The following SMURF1 variants were observed in gnomAD, a reference collection of about 807,000 sequenced individuals.
SMURF1 encodes E3 ubiquitin-protein ligase SMURF1.
SMURF1 carries 44 observed loss-of-function variants against 98.0 expected under a neutral mutation model. That is an observed-to-expected ratio of 0.45 (90% CI 0.35 to 0.58). The LOEUF (loss-of-function observed/expected upper bound fraction) is 0.58, where lower values mean the gene tolerates loss of function less well. Ranked by LOEUF, SMURF1 falls within the 20% of genes least tolerant of loss-of-function variation. The pLI, the probability that SMURF1 is intolerant of heterozygous loss-of-function variation, is 0.00. For synonymous variants in SMURF1, 396 were observed against 374.9 expected, an observed-to-expected ratio of 1.06 and a Z score of -0.65; for missense variants, 687 against 938.4, an observed-to-expected ratio of 0.73 and a Z score of 3.50.
intron 1 of SMURF1, among the ~76,000 whole-genome samples, chr7:99,093,522 A>C (rs76639746): frequency 0.25 from 38,566 of 151,962 alleles, 5,970 homozygotes; most frequent in South Asian, 0.37. Flanking sequence ...CTCTATAATG[A>C]CATTACATTA....
At chr7:99,134,821 C>T (rs948173729) in intron 1 of SMURF1, among the ~76,000 whole-genome samples, 1 of 152,050 alleles carries the variant, frequency 6.6e-6, no homozygotes, top group African/African-American at 2.4e-5. Context: ...GAACCAAGAC[C>T]TCAGTTTTTT....
chr7:99,052,437 A>G lies in SMURF1; in HGVS notation c.489T>C (p.Tyr163=). 1 of 1,559,508 alleles carries G rather than the reference A, an allele frequency of 6.4e-7. No individual in the cohort carries two copies. Among genetic ancestry groups the G allele is most frequent in the Non-Finnish European group, 8.7e-7 (1 of 1,150,886 alleles). ...GCGGCCTCCCAGGCCCGGAGTCTTC[A>G]TACACCGTTCTGAAAGGGACGAGAG... The part of the protein sequence containing the change: ...RGLLENEGTV[Y]EDSGPGRPLS... Residue 163 remains tyrosine, a synonymous_variant, in exon 7 of 18, where the codon TAT becomes TAC. Transcript: ENST00000361368.
intron 1 of SMURF1, among the ~76,000 whole-genome samples, chr7:99,070,738 C>G (rs1584475924): frequency 6.6e-6 from 1 of 151,862 alleles, no homozygotes; most frequent in Non-Finnish European, 1.5e-5. Flanking sequence ...ATTCCTAGCA[C>G]GGAAGCACAG....
chr7:99,090,650 G>C (rs1289853035), intron 1 of SMURF1, among the ~76,000 whole-genome samples: 1 of 152,142 alleles, frequency 6.6e-6, no homozygotes, highest in Non-Finnish European at 1.5e-5. Context: ...ATCTGTAATA[G>C]AAGAAAAATG....
At chr7:99,086,865 T>A (rs1210954384) in intron 1 of SMURF1, among the ~76,000 whole-genome samples, 1 of 152,146 alleles carries the variant, frequency 6.6e-6, no homozygotes, top group Non-Finnish European at 1.5e-5. Context: ...AATAGACAAA[T>A]CTATATATAA....
chr7:99,038,158 A>G (rs1795225205), intron 14 of SMURF1, among the ~76,000 whole-genome samples: 1 of 152,198 alleles, frequency 6.6e-6, no homozygotes, highest in African/African-American at 2.4e-5. Context: ...CCTTCCCCAC[A>G]TGGGCTCTGT....
intron 15 of SMURF1, 183 bp from the exon 16 acceptor site, chr7:99,035,899 G>A (rs544167999): frequency 4.1e-5 from 26 of 628,890 alleles, no homozygotes; most frequent in South Asian, 1.2e-4. Flanking sequence ...ACATGCTTCC[G>A]TCCGCCTCCT....
At chr7:99,133,671 A>C (rs1206446584) in intron 1 of SMURF1, among the ~76,000 whole-genome samples, 2 of 152,234 alleles carry the variant, frequency 1.3e-5, no homozygotes, top group African/African-American at 2.4e-5. Flanking sequence ...TACACCCAAC[A>C]GAAGTGTATG....
At chr7:99,076,739 G>A (rs7791007) in intron 1 of SMURF1, among the ~76,000 whole-genome samples, 4,658 of 152,312 alleles carry the variant, frequency 0.031, 106 homozygotes, top group South Asian at 0.057. Flanking sequence ...CTGCAGTCAT[G>A]TTAGATGCTG....
At chr7:99,041,559 A>G (rs1795381646) in intron 12 of SMURF1, among the ~76,000 whole-genome samples, 1 of 152,222 alleles carries the variant, frequency 6.6e-6, no homozygotes, top group Admixed American at 6.5e-5. Context: ...TTGAATGCAC[A>G]AGCGGAGCCT....
chr7:99,143,806 G>A lies in SMURF1; in HGVS notation c.-26C>T. 3 of 1,542,278 alleles carry A rather than the reference G, an allele frequency of 1.9e-6. No individual in the cohort carries two copies. The highest frequency in any genetic ancestry group is 1.2e-5 in the South Asian group (1 of 84,018). Reference sequence around the variant, plus strand: ...CTCCCGCCAACGATCGGGCAGCCGCGGATCCAGCGCCACCGCCCCCCAGCC... The same window carrying A: ...CTCCCGCCAACGATCGGGCAGCCGCAGATCCAGCGCCACCGCCCCCCAGCC... On this transcript the variant is annotated 5_prime_UTR_variant, in exon 1 of 18. Coordinates refer to ENST00000361368, the MANE Select transcript of SMURF1 (RefSeq NM_181349.3).
rs974170671 is a variant in SMURF1 at position 99,143,689 on chromosome 7, G to T, written c.55+37C>A. ...CGGGGAATTCCGGGGCGGGCGAGGG[G>T]GCGCCGGGGCGCGGGTGGGCCTCCC... On this transcript the variant is annotated intron_variant, in intron 1 of 17. Coordinates refer to ENST00000361368, the MANE Select transcript of SMURF1 (RefSeq NM_181349.3). 10 of 1,529,644 alleles carry T rather than the reference G, an allele frequency of 6.5e-6. No individual in the cohort carries two copies. In the African/African-American group the frequency reaches 1.4e-4, roughly 22 times the overall value. 94.8% of individuals were successfully genotyped at this position (1,529,644 alleles called of 1,614,324 possible).
chr7:99,030,785 G>T, intron 17 of SMURF1, 102 bp from the exon 18 acceptor site: 3 of 737,432 alleles, frequency 4.1e-6, no homozygotes, highest in Non-Finnish European at 4.5e-6. Flanking sequence ...GAGGGGAGAG[G>T]AATGGGGGGT....
chr7:99,056,066 T>C (rs1054388073), intron 5 of SMURF1, among the ~76,000 whole-genome samples: 1 of 152,254 alleles, frequency 6.6e-6, no homozygotes, highest in African/African-American at 2.4e-5. Flanking sequence ...ACAAGACTTT[T>C]ATAAAGTTGT....
At position 99,030,458 on chromosome 7, in the gene SMURF1, G is replaced by T; in HGVS notation, c.*126C>A. 1 of 794,950 alleles carries T rather than the reference G, an allele frequency of 1.3e-6. No homozygotes were observed. Among genetic ancestry groups the T allele is most frequent in the Non-Finnish European group, 2.1e-6 (1 of 479,974 alleles). 49.2% of individuals were successfully genotyped at this position (794,950 alleles called of 1,614,324 possible). On this transcript the variant is annotated 3_prime_UTR_variant, in exon 18 of 18. Coordinates refer to ENST00000361368, the MANE Select transcript of SMURF1 (RefSeq NM_181349.3). ...CCCCTCCCCCAACAGAAAGGAGAGA[G>T]ACAACCCTTTCCCCTCAGGTGATCT...
At chr7:99,084,428 G>T (rs1437056303) in intron 1 of SMURF1, among the ~76,000 whole-genome samples, 1 of 152,054 alleles carries the variant, frequency 6.6e-6, no homozygotes, top group Non-Finnish European at 1.5e-5. Context: ...CAAGTTCTTG[G>T]ATAAAAAGAT....
At chr7:99,097,159 G>A (rs1049641883) in intron 1 of SMURF1, among the ~76,000 whole-genome samples, 5 of 151,810 alleles carry the variant, frequency 3.3e-5, no homozygotes, top group African/African-American at 7.3e-5. Context: ...TATTAGAAAA[G>A]AAAAAAGTTG....
chr7:99,063,656 C>T (rs1796120561), intron 1 of SMURF1, among the ~76,000 whole-genome samples: 1 of 151,898 alleles, frequency 6.6e-6, no homozygotes, highest in Non-Finnish European at 1.5e-5. Context: ...TTTTAGTATA[C>T]TCATGGGTGG....
intron 1 of SMURF1, among the ~76,000 whole-genome samples, chr7:99,142,075 C>T (rs1341497438): frequency 6.6e-6 from 1 of 152,192 alleles, no homozygotes; most frequent in East Asian, 1.9e-4. Flanking sequence ...AAAGGGAAGA[C>T]GAGGATGCAG....
Sources: gnomAD v4.1 joint callset for allele counts (sites outside exome capture counted in the v4.1 genomes callset) on GRCh38, gnomAD v4.1.1 for gene constraint, MANE v1.5 for transcripts, NCBI Gene and HGNC (gene_info 2026-07-23, HGNC 2026-07-21) for gene names.